NEBL: variants seen among roughly 807,000 people sequenced by gnomAD.
NEBL encodes nebulette, also known as LIM and SH3 protein 2.
Under a neutral mutation model 140.2 loss-of-function variants are expected in NEBL, and 122 were observed. That is an observed-to-expected ratio of 0.87 (90% CI 0.75 to 1.01). NEBL has a LOEUF of 1.01. Among genes scored for constraint, NEBL ranks in the 50% least tolerant of loss-of-function variants. NEBL has a pLI of 0.00. For missense variants in NEBL, 1,365 were observed against 1,231.3 expected, an observed-to-expected ratio of 1.11 and a Z score of -1.62; for synonymous variants, 436 against 398.9, an observed-to-expected ratio of 1.09 and a Z score of -1.11.
chr10:20,926,747 T>C (rs2131519621), intron 4 of NEBL, among the ~76,000 whole-genome samples: 1 of 152,308 alleles, frequency 6.6e-6, no homozygotes. Flanking sequence ...CGATGGCACA[T>C]CCAGCTGAAG....
At chr10:21,280,581 G>T (rs1842979680) in intron 1 of NEBL, among the ~76,000 whole-genome samples, 1 of 147,590 alleles carries the variant, frequency 6.8e-6, no homozygotes. Context: ...AAGACTTCAT[G>T]TAAGGGGCAT....
chr10:20,918,100 T>C (rs1156952545), intron 4 of NEBL, among the ~76,000 whole-genome samples: 1 of 152,166 alleles, frequency 6.6e-6, no homozygotes, highest in Non-Finnish European at 1.5e-5. Context: ...GACTCATGCC[T>C]GTAATCCCAG....
At chr10:21,110,804 G>T (rs1589244292) in intron 2 of NEBL, 2 of 588,804 alleles carry the variant, frequency 3.4e-6, no homozygotes, top group Middle Eastern at 5.2e-4. Context: ...GTCAGGTTAG[G>T]GACTCATGCA....
chr10:20,785,948 C>T (rs370011417), intron 27 of NEBL, 25 bp from the exon 28 acceptor site: 56 of 1,605,208 alleles, frequency 3.5e-5, no homozygotes, highest in South Asian at 5.5e-5. Flanking sequence ...AGGGATTATA[C>T]GATGAATGCC....
chr10:21,053,711 G>A (rs1442549651), intron 2 of NEBL, among the ~76,000 whole-genome samples: 7 of 152,126 alleles, frequency 4.6e-5, no homozygotes, highest in South Asian at 4.1e-4. Context: ...GAAGGGTCGC[G>A]TGTGAGTGTG....
chr10:20,978,143 T>TC (rs2131655084), intron 3 of NEBL, among the ~76,000 whole-genome samples: 1 of 152,206 alleles, frequency 6.6e-6, no homozygotes, highest in East Asian at 1.9e-4. Context: ...AGCTAGGCAA[T>TC]TCCCCAGCTA....
rs982308775 is a variant in NEBL at position 20,890,423 on chromosome 10, T to C, written c.154-474A>G. 5.9e-5 allele frequency among the ~76,000 whole-genome samples: 9 copies of C among 152,220 alleles called. No individual in the cohort carries two copies. In the South Asian group the frequency reaches 1.2e-3, roughly 21 times the overall value. ...AGAGGCGAAATTAAATGGGGATCAC[T>C]ATTACCGTTATTACCTAGACATGCT... On this transcript the variant is annotated intron_variant, in intron 2 of 27. Transcript: ENST00000377122.
intron 2 of NEBL, among the ~76,000 whole-genome samples, chr10:21,069,103 G>T (rs1035150385): frequency 6.6e-6 from 1 of 152,068 alleles, no homozygotes; most frequent in African/African-American, 2.4e-5. Context: ...GGCCCAGGCT[G>T]GTCTTGAACT....
intron 4 of NEBL, among the ~76,000 whole-genome samples, 153 bp downstream of exon 4, chr10:20,887,944 C>A (rs1388742209): frequency 2.0e-5 from 3 of 152,172 alleles, no homozygotes; most frequent in African/African-American, 7.2e-5. Context: ...GCAATTTCAA[C>A]AGCAACTACT....
intron 4 of NEBL, 136 bp downstream of exon 4, chr10:20,887,961 A>T: frequency 1.4e-6 from 1 of 707,092 alleles, no homozygotes; most frequent in Non-Finnish European, 2.6e-6. Flanking sequence ...TACTGACAGC[A>T]CATTAATCAG....
intron 2 of NEBL, among the ~76,000 whole-genome samples, chr10:21,065,802 A>G (rs1269520705): frequency 1.3e-5 from 2 of 152,174 alleles, no homozygotes; most frequent in Non-Finnish European, 2.9e-5. Context: ...CTGCAACCCT[A>G]TCACTCCATC....
chr10:20,866,714 T>C (rs1231493339), intron 7 of NEBL, among the ~76,000 whole-genome samples: 1 of 152,180 alleles, frequency 6.6e-6, no homozygotes, highest in Non-Finnish European at 1.5e-5. Flanking sequence ...GACGCGTCTT[T>C]CTTCTCCACA....
chr10:21,241,051 T>C (rs1395199868), intron 3 of NEBL, among the ~76,000 whole-genome samples: 1 of 152,090 alleles, frequency 6.6e-6, no homozygotes, highest in African/African-American at 2.4e-5. Flanking sequence ...TCTGTGGCTT[T>C]ATTTTTATCA....
chr10:20,815,437 G>A (rs1234953626), intron 22 of NEBL, among the ~76,000 whole-genome samples, 188 bp downstream of exon 22: 1 of 152,208 alleles, frequency 6.6e-6, no homozygotes, highest in African/African-American at 2.4e-5. Flanking sequence ...ATAACAAAGA[G>A]TTGCAAAATA....
At chr10:20,890,119 C>A (rs949987335) in intron 2 of NEBL, among the ~76,000 whole-genome samples, 170 bp from the exon 3 acceptor site, 1 of 152,104 alleles carries the variant, frequency 6.6e-6, no homozygotes, top group Non-Finnish European at 1.5e-5. Flanking sequence ...CACAGGATTG[C>A]AAAGATGATG....
chr10:20,947,716 CAG>C (rs1368848667), intron 4 of NEBL, among the ~76,000 whole-genome samples: 1 of 144,870 alleles, frequency 6.9e-6, no homozygotes, highest in African/African-American at 2.5e-5. Context: ...CACACACACA[CAG>C]TGTCAGGAGA....
intron 14 of NEBL, 45 bp from the exon 15 acceptor site, chr10:20,831,628 G>C (rs1353305745): frequency 7.8e-7 from 1 of 1,283,920 alleles, no homozygotes; most frequent in Admixed American, 1.7e-5. Flanking sequence ...AATCATTTGA[G>C]AAACTGCTCA....
chr10:21,254,048 T>C (rs1326424202), intron 1 of NEBL, among the ~76,000 whole-genome samples: 2 of 152,248 alleles, frequency 1.3e-5, no homozygotes, highest in Non-Finnish European at 2.9e-5. Flanking sequence ...ATATTCTTTA[T>C]TGATAAATGT....
At chr10:20,840,960 G>T in intron 12 of NEBL, 111 bp from the exon 13 acceptor site, 1 of 713,352 alleles carries the variant, frequency 1.4e-6, no homozygotes, top group Non-Finnish European at 2.5e-6. Context: ...TACTAGGAAG[G>T]AATGAATCAC....
Sources: allele counts gnomAD v4.1 joint callset (sites outside exome capture counted in the v4.1 genomes callset), GRCh38; gene constraint gnomAD v4.1.1; transcripts MANE v1.5; gene names NCBI Gene and HGNC (gene_info 2026-07-23, HGNC 2026-07-21).